Variants in DOCK1 observed in about 807,000 individuals in gnomAD.
DOCK1 encodes the protein dedicator of cytokinesis protein 1.
DOCK1 carries 138 observed loss-of-function variants against 262.7 expected under a neutral mutation model. The observed-to-expected ratio is 0.53, with a 90% confidence interval of 0.46 to 0.61. The LOEUF (loss-of-function observed/expected upper bound fraction) is 0.61. Ranked by LOEUF, DOCK1 falls within the 20% of genes least tolerant of loss-of-function variation. The pLI is 0.00. For synonymous variants in DOCK1, 866 were observed against 867.4 expected (o/e 1.00, Z 0.03); for missense variants, 1,908 against 2,370.7 (o/e 0.80, Z 4.05).
At chr10:127,230,477 T>C (rs1322714807) in intron 27 of DOCK1, among the ~76,000 whole-genome samples, 1 of 152,178 alleles carries the variant, frequency 6.6e-6, no homozygotes, top group Non-Finnish European at 1.5e-5. Context: ...TTCATTCTTT[T>C]ACATGTGGAG....
At chr10:127,023,542 C>CTTTTTTT (rs10652401) in intron 14 of DOCK1, among the ~76,000 whole-genome samples, 2 of 124,378 alleles carry the variant, frequency 1.6e-5, no homozygotes, top group Non-Finnish European at 1.6e-5. Flanking sequence ...TCCCTGTGGT[C>CTTTTTTT]TTTTTTTTTT....
At chr10:127,086,241 C>T (rs992916472) in intron 23 of DOCK1, among the ~76,000 whole-genome samples, 1 of 151,570 alleles carries the variant, frequency 6.6e-6, no homozygotes, top group Non-Finnish European at 1.5e-5. Context: ...ATCCCCCCAC[C>T]CCCGGTGCAG....
intron 27 of DOCK1, chr10:127,153,745 G>A: frequency 1.2e-6 from 1 of 837,860 alleles, no homozygotes; most frequent in Non-Finnish European, 1.9e-6. Context: ...TTCACTTTTT[G>A]TCTGATAGAA....
chr10:127,336,631 C>T (rs1352283628), intron 29 of DOCK1, among the ~76,000 whole-genome samples: 1 of 151,948 alleles, frequency 6.6e-6, no homozygotes, highest in Non-Finnish European at 1.5e-5. Flanking sequence ...GCTCCGCCTC[C>T]CAGGTTCGCA....
chr10:127,249,320 A>G (rs1490797438), intron 28 of DOCK1, among the ~76,000 whole-genome samples: 2 of 151,950 alleles, frequency 1.3e-5, no homozygotes, highest in Admixed American at 1.3e-4. Flanking sequence ...ATTATGTATT[A>G]GAAATGATCC....
Position 126,914,483 on chromosome 10 carries a change from G to A in DOCK1, c.46+8920G>A, listed in dbSNP as rs544085583. Among the ~76,000 whole-genome samples the A allele has an allele frequency of 5.9e-5, 9 of 152,250 alleles. No homozygotes were observed. In the South Asian group the frequency reaches 1.9e-3, roughly 32 times the overall value. On this transcript the variant is annotated intron_variant, in intron 1 of 51. Transcript: ENST00000623213. ...AGTGATGCGATCATAGCTCACTGCAGCCTTGAACTCCCAGGCTCAAGTGAT... is the reference window on the plus strand; with the variant it reads ...AGTGATGCGATCATAGCTCACTGCAACCTTGAACTCCCAGGCTCAAGTGAT...
At chr10:126,944,300 G>A (rs2035232170) in intron 1 of DOCK1, among the ~76,000 whole-genome samples, 1 of 152,104 alleles carries the variant, frequency 6.6e-6, no homozygotes, top group Admixed American at 6.5e-5. Flanking sequence ...TTCTTCCCCA[G>A]CACTGGGCAC....
At chr10:126,981,259 G>A (rs997943739) in intron 3 of DOCK1, among the ~76,000 whole-genome samples, 4 of 152,142 alleles carry the variant, frequency 2.6e-5, no homozygotes, top group Non-Finnish European at 5.9e-5. Context: ...TCTTGATAAA[G>A]CTCTTTCTGG....
intron 31 of DOCK1, 54 bp downstream of exon 31, chr10:127,343,800 C>T (rs1163292219): frequency 7.4e-7 from 1 of 1,347,574 alleles, no homozygotes; most frequent in East Asian, 2.5e-5. Context: ...ACTCTAATCG[C>T]ATAATTTTCA....
chr10:127,215,666 G>A (rs1336471576), intron 27 of DOCK1, among the ~76,000 whole-genome samples: 7 of 152,028 alleles, frequency 4.6e-5, no homozygotes, highest in Admixed American at 2.0e-4. Flanking sequence ...CCATTCAAAG[G>A]CTTAAAATAT....
At chr10:127,256,503 G>A (rs1470542034) in intron 28 of DOCK1, among the ~76,000 whole-genome samples, 1 of 152,048 alleles carries the variant, frequency 6.6e-6, no homozygotes, top group Non-Finnish European at 1.5e-5. Context: ...GTGAGCTTGG[G>A]GCTACCAGGG....
chr10:127,335,827 G>A (rs1396112736), intron 29 of DOCK1, among the ~76,000 whole-genome samples: 1 of 151,926 alleles, frequency 6.6e-6, no homozygotes, highest in Admixed American at 6.6e-5. Context: ...CCATTCTCCT[G>A]CCTCAGCCTC....
At chr10:127,400,533 G>A (rs969130364) in intron 38 of DOCK1, among the ~76,000 whole-genome samples, 23 of 152,212 alleles carry the variant, frequency 1.5e-4, no homozygotes, top group African/African-American at 5.5e-4. Flanking sequence ...GCCACGCTGG[G>A]TCAAGCCCAC....
In DOCK1 at chr10:126,995,993, T is replaced by C. The variant is rs2040163284; in HGVS notation, c.474-755T>C. On this transcript the variant is annotated intron_variant, in intron 6 of 51. Transcript: ENST00000623213. This position sits in a 1 kb window ranked among gnomAD's most constrained non-coding sequence, Gnocchi z 5.8. ...TCTTCCCTCTCTCCTTCCTCAACTC[T>C]CTGATGATGTCACAACTGCCAGCTA... Among the ~76,000 whole-genome samples the C allele has an allele frequency of 6.6e-6, 1 of 152,168 alleles. No homozygotes were observed. Among genetic ancestry groups the C allele is most frequent in the Admixed American group, 6.5e-5 (1 of 15,282 alleles).
intron 27 of DOCK1, among the ~76,000 whole-genome samples, chr10:127,202,640 C>T (rs1167562390): frequency 6.6e-6 from 1 of 152,166 alleles, no homozygotes; most frequent in Non-Finnish European, 1.5e-5. Flanking sequence ...TTCCCCAAGC[C>T]CTGACTGAAT....
chr10:126,998,521 G>A (rs1454674610), intron 8 of DOCK1: 1 of 326,174 alleles, frequency 3.1e-6, no homozygotes, highest in Non-Finnish European at 5.7e-6. Context: ...TAAGAGTGTA[G>A]CTGAAGATTG....
rs536454648 is a variant in DOCK1, at chr10:127,336,336, T to C, written c.3045-2670T>C. 5.3e-5 allele frequency among the ~76,000 whole-genome samples: 8 copies of C among 152,222 alleles called. No homozygotes were observed. In the South Asian group the frequency reaches 1.2e-3, roughly 24 times the overall value. On this transcript the variant is annotated intron_variant, in intron 29 of 51. Coordinates refer to ENST00000623213, the MANE Select transcript of DOCK1 (RefSeq NM_001290223.2). Reference sequence around the variant, plus strand: ...ATCATCTGATCTTTGTTTACTGCACTGATTATGGTTTTATTTGATCTTTCC... The same window carrying C: ...ATCATCTGATCTTTGTTTACTGCACCGATTATGGTTTTATTTGATCTTTCC...
chr10:127,323,574 T>C (rs911739464), intron 29 of DOCK1, among the ~76,000 whole-genome samples: 8 of 152,012 alleles, frequency 5.3e-5, no homozygotes, highest in African/African-American at 1.9e-4. Context: ...GGGTGATGAG[T>C]CTGGGTTTCA....
intron 27 of DOCK1, among the ~76,000 whole-genome samples, chr10:127,177,774 G>A (rs560803675): frequency 1.3e-5 from 2 of 152,368 alleles, no homozygotes; most frequent in South Asian, 4.1e-4. Context: ...ACTGCTTCTG[G>A]AGTGAGGTGG....
Sources: gnomAD v4.1 joint callset for allele counts (sites outside exome capture counted in the v4.1 genomes callset) on GRCh38, gnomAD v4.1.1 for gene constraint, Gnocchi (gnomAD v3.1) non-coding constraint, MANE v1.5 for transcripts, NCBI Gene and HGNC (gene_info 2026-07-23, HGNC 2026-07-21) for gene names.